NADK: variants seen among roughly 807,000 people sequenced by gnomAD.
NADK encodes the protein NAD kinase.
In NADK, 22 loss-of-function variants were observed where a neutral mutation model predicts 49.8. The observed-to-expected ratio is 0.44, with a 90% CI of 0.32 to 0.63. The LOEUF (loss-of-function observed/expected upper bound fraction) is 0.63, where lower values mean the gene tolerates loss of function less well. Ranked by LOEUF, NADK falls within the 30% of genes least tolerant of loss-of-function variation. The pLI, the probability that NADK is intolerant of heterozygous loss-of-function variation, is 0.06. For missense variants in NADK, 438 were observed against 609.4 expected (o/e 0.72, Z 2.96); for synonymous variants, 268 against 253.7 (o/e 1.06, Z -0.54).
At chr1:1,755,521 C>A (rs1343919730) in intron 6 of NADK, 45 bp from the exon 7 acceptor site, 1 of 1,427,396 alleles carries the variant, frequency 7.0e-7, no homozygotes, top group South Asian at 1.1e-5. Flanking sequence ...GCCGTGCACC[C>A]CCGCACCACC....
rs950108113 is a variant in NADK at position 1,778,021 on chromosome 1, G to A, written c.-41+268C>T. Among the ~76,000 whole-genome samples, 5 of 152,152 alleles carry A rather than the reference G, an allele frequency of 3.3e-5. No individual in the cohort carries two copies. The highest frequency in any genetic ancestry group is 7.4e-5 in the Non-Finnish European group (5 of 68,008). ...GCGACTGACAAGCGCGGTCCGGGCT[G>A]GACGGCCCCACCTTCCCCGCCCGGG... On this transcript the variant is annotated intron_variant, in intron 1 of 11. Coordinates refer to ENST00000341426, the MANE Select transcript of NADK (RefSeq NM_023018.5). The surrounding 1 kb of genome is among the most constrained non-coding windows in gnomAD (Gnocchi z 4.9).
chr1:1,756,156 G>A (rs370892075), intron 6 of NADK, 102 bp downstream of exon 6: 38 of 1,139,778 alleles, frequency 3.3e-5, no homozygotes, highest in South Asian at 3.2e-4. Context: ...GACTGCTCTC[G>A]TATAAAGGGG....
chr1:1,756,897 C>T, intron 4 of NADK: 1 of 806,590 alleles, frequency 1.2e-6, no homozygotes, highest in Non-Finnish European at 2.2e-6. Context: ...AGAGAAGACA[C>T]AGCAGGAAGG....
chr1:1,778,215 C>G lies in NADK; in HGVS notation c.-41+74G>C, dbSNP rs1376420713. 1 of 152,210 alleles carries G rather than the reference C, an allele frequency of 6.6e-6. No homozygotes were observed. The highest frequency in any genetic ancestry group is 2.4e-5 in the African/African-American group (1 of 41,466). The allele number at this position is 152,210 out of a possible 1,614,324, so 9.4% of individuals were successfully genotyped here. A position where few individuals can be genotyped will look rare whatever the true frequency, so the allele number is the denominator to read the frequency against. ...GGCCTGGTGTCTCCCCGCCTGGCCG[C>G]GCGCTCGCGGGCAGCGATGACCCCA... is the stretch of plus-strand genomic sequence containing the variant. On this transcript the variant is annotated intron_variant, in intron 1 of 11. Transcript: ENST00000341426. This position sits in a 1 kb window ranked among gnomAD's most constrained non-coding sequence, Gnocchi z 4.9.
Position 1,752,751 on chromosome 1 carries a change from C to G in NADK, c.*153G>C. The G allele has an allele frequency of 1.2e-6, 1 of 864,704 alleles. No individual in the cohort carries two copies. The highest frequency in any genetic ancestry group is 1.8e-6 in the Non-Finnish European group (1 of 568,376). 53.6% of individuals were successfully genotyped at this position (864,704 alleles called of 1,614,324 possible). On this transcript the variant is annotated 3_prime_UTR_variant, in exon 12 of 12. Coordinates refer to ENST00000341426, the MANE Select transcript of NADK (RefSeq NM_023018.5). ...CAGACATTTTAAAAAAACAGCTGAT[C>G]TGGACAAAAGGCAGACCCAGGCTCT... is the stretch of plus-strand genomic sequence containing the variant.
intron 1 of NADK, among the ~76,000 whole-genome samples, chr1:1,773,676 T>TTGTGTG (rs57063985): frequency 4.7e-4 from 55 of 116,726 alleles, no homozygotes; most frequent in East Asian, 1.7e-3. Context: ...AAGCTCTATT[T>TTGTGTG]TGTGTGTGTG....
In NADK at chr1:1,767,437, A is replaced by T. The variant is rs79955828; in HGVS notation, c.-40-1991T>A. On this transcript the variant is annotated intron_variant, in intron 1 of 11. Coordinates refer to ENST00000341426, the MANE Select transcript of NADK (RefSeq NM_023018.5). The stretch of plus-strand genomic sequence containing the variant: ...CAAAGCTGGGTCACAGCCCATGGGA[A>T]ACCATGAACTGAGCATTCAAGCCAA... 6.1e-3 allele frequency among the ~76,000 whole-genome samples: 926 copies of T among 152,314 alleles called. 34 individuals carry two copies. The East Asian group carries it at 0.11, about 18-fold the overall frequency.
intron 6 of NADK, 85 bp downstream of exon 6, chr1:1,756,173 G>A (rs1383510997): frequency 7.8e-7 from 1 of 1,283,810 alleles, no homozygotes; most frequent in Non-Finnish European, 1.1e-6. Flanking sequence ...GGGGTGAAAA[G>A]CAATGGAAGC....
intron 6 of NADK, chr1:1,755,948 G>A (rs1268549668): frequency 5.8e-6 from 3 of 513,538 alleles, no homozygotes; most frequent in Non-Finnish European, 3.5e-6. Context: ...ACCAGGAAGA[G>A]GAGCTCAAGG....
At chr1:1,762,606 A>T (rs546887490) in intron 2 of NADK, among the ~76,000 whole-genome samples, 121 of 152,126 alleles carry the variant, frequency 8.0e-4, no homozygotes, top group African/African-American at 2.2e-3. Context: ...AAAAAAGAAA[A>T]ATTAGCCAGG....
intron 1 of NADK, among the ~76,000 whole-genome samples, chr1:1,770,055 T>A (rs933168333): frequency 6.6e-6 from 1 of 152,000 alleles, no homozygotes; most frequent in Admixed American, 6.6e-5. Context: ...TAACTCCAGC[T>A]ATGCAGGAGG....
chr1:1,760,569 C>T (rs1257332484), intron 3 of NADK, among the ~76,000 whole-genome samples: 7 of 152,320 alleles, frequency 4.6e-5, no homozygotes, highest in Middle Eastern at 3.4e-3. Flanking sequence ...GGCCGCATTG[C>T]GCTTTCTGGT....
At chr1:1,772,327 T>G (rs1646076897) in intron 1 of NADK, among the ~76,000 whole-genome samples, 1 of 152,040 alleles carries the variant, frequency 6.6e-6, no homozygotes, top group African/African-American at 2.4e-5. Context: ...CATGCCTGAC[T>G]AATTTTTGTA....
intron 2 of NADK, among the ~76,000 whole-genome samples, 185 bp from the exon 3 acceptor site, chr1:1,762,220 C>T (rs916151137): frequency 7.2e-5 from 11 of 152,232 alleles, no homozygotes; most frequent in African/African-American, 2.2e-4. Flanking sequence ...TGCACTGGAG[C>T]GGCACCTGTG....
chr1:1,756,850 T>G (rs759052386), intron 4 of NADK: 2 of 841,868 alleles, frequency 2.4e-6, no homozygotes, highest in Non-Finnish European at 4.1e-6. Context: ...AGGAGTGGCT[T>G]TCCTGGGCGC....
chr1:1,772,992 G>A (rs1388056479), intron 1 of NADK, among the ~76,000 whole-genome samples: 1 of 143,784 alleles, frequency 7.0e-6, no homozygotes, highest in African/African-American at 2.6e-5. Context: ...GGTGAGCTGA[G>A]ATCACGCCAT....
chr1:1,771,184 G>C (rs776181655), intron 1 of NADK, among the ~76,000 whole-genome samples: 1 of 150,378 alleles, frequency 6.6e-6, no homozygotes, highest in Non-Finnish European at 1.5e-5. Flanking sequence ...GGATATATTT[G>C]GCAAAAGACA....
At chr1:1,771,218 T>C (rs1380033461) in intron 1 of NADK, among the ~76,000 whole-genome samples, 2 of 151,688 alleles carry the variant, frequency 1.3e-5, no homozygotes, top group African/African-American at 2.4e-5. Context: ...CACTGAAAAC[T>C]ACAAAATATT....
Position 1,757,163 on chromosome 1 carries a change from C to CGA in NADK, c.393+17_393+18insTC. 1 of 1,561,150 alleles carries CGA rather than the reference C, an allele frequency of 6.4e-7. No individual in the cohort carries two copies. Among genetic ancestry groups the CGA allele is most frequent in the Non-Finnish European group, 8.8e-7 (1 of 1,138,870 alleles). On this transcript the variant is annotated intron_variant, in intron 4 of 11. Coordinates refer to ENST00000341426, the MANE Select transcript of NADK (RefSeq NM_023018.5). ...CTCCATGTGCACCCCAGGCCCCCTT[C>CGA]CCCCCTGCCCCGCGTGCCTCCATGA...
Sources: gnomAD v4.1 joint callset for allele counts (sites outside exome capture counted in the v4.1 genomes callset) on GRCh38, gnomAD v4.1.1 for gene constraint, Gnocchi (gnomAD v3.1) non-coding constraint, MANE v1.5 for transcripts, NCBI Gene and HGNC (gene_info 2026-07-23, HGNC 2026-07-21) for gene names.